AUTS2: variants seen among roughly 807,000 people sequenced by gnomAD.
AUTS2 encodes autism susceptibility gene 2 protein.
In AUTS2, 17 loss-of-function variants were observed where a neutral mutation model predicts 112.4. The observed-to-expected ratio is 0.15, with a 90% confidence interval of 0.10 to 0.23. The LOEUF (loss-of-function observed/expected upper bound fraction) is 0.23, where lower values mean the gene tolerates loss of function less well. AUTS2 is among the 10% of genes least tolerant of loss of function. The pLI is 1.00. For synonymous variants in AUTS2, 751 were observed against 702.7 expected (o/e 1.07, Z -1.09); for missense variants, 1,510 against 1,701.6 (o/e 0.89, Z 1.98).
chr7:69,983,572 A>T (rs1798384321), intron 2 of AUTS2, among the ~76,000 whole-genome samples: 1 of 152,086 alleles, frequency 6.6e-6, no homozygotes, highest in Non-Finnish European at 1.5e-5. Context: ...AAAGAAAAAA[A>T]GTGCTACTCT....
intron 5 of AUTS2, among the ~76,000 whole-genome samples, chr7:70,669,281 G>C (rs1807512116): frequency 6.6e-6 from 1 of 152,190 alleles, no homozygotes; most frequent in Non-Finnish European, 1.5e-5. Flanking sequence ...CATTACCCCA[G>C]TGTTTTTTAT....
intron 17 of AUTS2, 195 bp from the exon 18 acceptor site, chr7:70,787,013 AG>A: frequency 1.5e-6 from 1 of 672,682 alleles, no homozygotes; most frequent in South Asian, 1.7e-5. Flanking sequence ...GAAAAAAAAA[AG>A]CTGTGAGCTA....
At chr7:69,948,762 A>C (rs1283649962) in intron 2 of AUTS2, among the ~76,000 whole-genome samples, 1 of 151,400 alleles carries the variant, frequency 6.6e-6, no homozygotes, top group Non-Finnish European at 1.5e-5. Context: ...GGAAAAGCCA[A>C]AATTTTCTTT....
chr7:69,658,073 T>G (rs2129140496), intron 1 of AUTS2, among the ~76,000 whole-genome samples: 1 of 152,366 alleles, frequency 6.6e-6, no homozygotes, highest in African/African-American at 2.4e-5. Flanking sequence ...ACGTGAAAAT[T>G]ATGTGGAATT....
At chr7:70,359,186 G>T (rs1792143495) in intron 4 of AUTS2, among the ~76,000 whole-genome samples, 1 of 152,186 alleles carries the variant, frequency 6.6e-6, no homozygotes, top group African/African-American at 2.4e-5. Flanking sequence ...GCATTATATT[G>T]ACATAGTTTG....
At chr7:70,574,328 A>C (rs1363405640) in intron 5 of AUTS2, among the ~76,000 whole-genome samples, 1 of 152,236 alleles carries the variant, frequency 6.6e-6, no homozygotes, top group Non-Finnish European at 1.5e-5. Flanking sequence ...GTCCCTGCAG[A>C]GAGAGCTCTG....
chr7:70,341,328 A>G (rs10251416), intron 4 of AUTS2, among the ~76,000 whole-genome samples: 44,274 of 152,168 alleles, frequency 0.29, 6,761 homozygotes, highest in African/African-American at 0.38. Flanking sequence ...GCACTGAAAA[A>G]TGGGGCAGAA....
intron 5 of AUTS2, among the ~76,000 whole-genome samples, chr7:70,449,659 A>G (rs1324094863): frequency 1.3e-5 from 2 of 152,200 alleles, no homozygotes; most frequent in Non-Finnish European, 2.9e-5. Context: ...GACACTTTAT[A>G]GTGATCACAA....
At chr7:70,087,843 G>C (rs12698847) in intron 2 of AUTS2, among the ~76,000 whole-genome samples, 38,407 of 151,996 alleles carry the variant, frequency 0.25, 4,847 homozygotes, top group Middle Eastern at 0.34. Context: ...CCTTGGGCCT[G>C]GAGTTTTCTT....
intron 1 of AUTS2, among the ~76,000 whole-genome samples, chr7:69,876,006 G>A (rs1327703308): frequency 6.6e-6 from 1 of 151,784 alleles, no homozygotes; most frequent in African/African-American, 2.4e-5. Context: ...AATAAATCTA[G>A]AATTCATTTG....
chr7:70,657,138 A>G (rs1563106534), intron 5 of AUTS2, among the ~76,000 whole-genome samples: 1 of 152,140 alleles, frequency 6.6e-6, no homozygotes, highest in Non-Finnish European at 1.5e-5. Context: ...CTAATGTAGG[A>G]CAAAGCCCAA....
intron 4 of AUTS2, among the ~76,000 whole-genome samples, chr7:70,284,348 C>T (rs1200751415): frequency 6.6e-6 from 1 of 152,016 alleles, no homozygotes; most frequent in Admixed American, 6.5e-5. Flanking sequence ...TTCTTTTTGT[C>T]ACACTTACCC....
chr7:69,797,487 C>A (rs1360030755), intron 1 of AUTS2, among the ~76,000 whole-genome samples: 3 of 152,142 alleles, frequency 2.0e-5, no homozygotes, highest in Non-Finnish European at 4.4e-5. Flanking sequence ...CATTTTTGTC[C>A]TTTTAAATTC....
At chr7:70,137,512 A>G (rs1212382873) in intron 4 of AUTS2, among the ~76,000 whole-genome samples, 1 of 147,974 alleles carries the variant, frequency 6.8e-6, no homozygotes, top group Non-Finnish European at 1.5e-5. Context: ...TTTTCTTTTC[A>G]ATTTAAACGT....
At chr7:70,370,605 G>A (rs1327302827) in intron 4 of AUTS2, among the ~76,000 whole-genome samples, 1 of 152,090 alleles carries the variant, frequency 6.6e-6, no homozygotes, top group Admixed American at 6.5e-5. Flanking sequence ...TGGGATTGTT[G>A]CTACTTTTTG....
intron 1 of AUTS2, among the ~76,000 whole-genome samples, chr7:69,627,244 G>C (rs539425883): frequency 6.6e-6 from 1 of 152,292 alleles, no homozygotes; most frequent in South Asian, 2.1e-4. Context: ...TGTAATCCCA[G>C]CACTTTGGGA....
At chr7:69,650,325 A>T (rs1244530045) in intron 1 of AUTS2, among the ~76,000 whole-genome samples, 2 of 152,184 alleles carry the variant, frequency 1.3e-5, no homozygotes, top group Non-Finnish European at 2.9e-5. Context: ...GAGTTAAAGC[A>T]TCGTTACATT....
At chr7:70,684,134 GA>G (rs772073906) in intron 5 of AUTS2, among the ~76,000 whole-genome samples, 4,556 of 134,724 alleles carry the variant, frequency 0.034, 209 homozygotes, top group African/African-American at 0.11. Flanking sequence ...TAAGGCTAGG[GA>G]AAAAAAAAAA....
intron 5 of AUTS2, among the ~76,000 whole-genome samples, chr7:70,571,031 G>A (rs1478768171): frequency 6.6e-6 from 1 of 152,128 alleles, no homozygotes; most frequent in Non-Finnish European, 1.5e-5. Context: ...CCTTTAGAAT[G>A]GCAAGCCTTA....
Sources: gnomAD v4.1 joint callset for allele counts (sites outside exome capture counted in the v4.1 genomes callset) on GRCh38, gnomAD v4.1.1 for gene constraint, MANE v1.5 for transcripts, NCBI Gene and HGNC (gene_info 2026-07-23, HGNC 2026-07-21) for gene names.